Variants in HHIP observed in about 807,000 individuals in gnomAD.
HHIP encodes hedgehog-interacting protein.
HHIP carries 12 observed loss-of-function variants against 74.0 expected under a neutral mutation model. That is an observed-to-expected ratio of 0.16 (90% confidence interval 0.10 to 0.26). The LOEUF (loss-of-function observed/expected upper bound fraction) is 0.26. HHIP is among the 10% of genes least tolerant of loss of function. The pLI is 1.00. For missense variants in HHIP, 788 were observed against 845.0 expected (o/e 0.93, Z 0.84); for synonymous variants, 309 against 311.6 (o/e 0.99, Z 0.09).
intron 4 of HHIP, among the ~76,000 whole-genome samples, chr4:144,666,088 A>G (rs1434798537): frequency 6.6e-6 from 1 of 152,182 alleles, no homozygotes; most frequent in Non-Finnish European, 1.5e-5. Flanking sequence ...GACTAGAAAA[A>G]ATAAGAAAAT....
chr4:144,681,468 C>T (rs999903209), intron 4 of HHIP, among the ~76,000 whole-genome samples: 1 of 145,072 alleles, frequency 6.9e-6, no homozygotes, highest in Non-Finnish European at 1.5e-5. Context: ...CTCCATCACC[C>T]AGGTTGGAGT....
At chr4:144,696,026 C>A (rs892507899) in intron 4 of HHIP, among the ~76,000 whole-genome samples, 1 of 151,822 alleles carries the variant, frequency 6.6e-6, no homozygotes, top group Admixed American at 6.6e-5. Flanking sequence ...AAATTACATT[C>A]CCTACTTGAG....
rs906542849 is a variant in HHIP at position 144,718,915 on chromosome 4, G to T, written c.1719G>T (p.Gln573His). The T allele has an allele frequency of 1.9e-6, 3 of 1,610,792 alleles. No homozygotes were observed. The highest frequency in any genetic ancestry group is 3.3e-5 in the Admixed American group (2 of 59,934). ...YILSSSKSMT[Q>H]THNGKLYKIV... ...TATCAAGCAGTAAAAGTATGACCCA[G>T]ACTCACAATGGAAAACTCTACAAAA... Residue 573 changes from glutamine to histidine, a missense_variant, in exon 11 of 13, where the codon CAG becomes CAT. By Grantham distance (24) the Gln-to-His change is conservative. This residue lies in a region of HHIP where 343 missense variants were observed against 347.9 expected (regional missense o/e 0.99). Coordinates refer to ENST00000296575, the MANE Select transcript of HHIP (RefSeq NM_022475.3).
At position 144,741,104 on chromosome 4, in the gene HHIP, TTTC is replaced by T. The variant is rs1731251645; in HGVS notation, c.*3153_*3155del. The T allele has an allele frequency of 6.6e-6, 1 of 150,422 alleles. No homozygotes were observed. The highest frequency in any genetic ancestry group is 2.1e-4 in the South Asian group (1 of 4,718). The allele number at this position is 150,422 out of a possible 1,614,324, so 9.3% of individuals were successfully genotyped here. A position where few individuals can be genotyped will look rare whatever the true frequency, so the allele number is the denominator to read the frequency against. On this transcript the variant is annotated 3_prime_UTR_variant, in exon 13 of 13. Coordinates refer to ENST00000296575, the MANE Select transcript of HHIP (RefSeq NM_022475.3). ...AAAGTAAGTGCTTCCATCCATAACT[TTTC>T]TTCTTGGATTTTTTTCAATGTAATT... is the stretch of plus-strand genomic sequence containing the variant.
At chr4:144,715,492 C>T in intron 10 of HHIP, 62 bp downstream of exon 10, 2 of 1,520,974 alleles carry the variant, frequency 1.3e-6, no homozygotes, top group Non-Finnish European at 1.8e-6. Context: ...AGGCTTTGTT[C>T]TGCCCTGAAG....
intron 4 of HHIP, among the ~76,000 whole-genome samples, chr4:144,666,176 C>T (rs1263239531): frequency 1.3e-5 from 2 of 151,894 alleles, no homozygotes; most frequent in Non-Finnish European, 1.5e-5. Context: ...CATCACAAAA[C>T]TATCTCTAAA....
At chr4:144,662,431 T>C (rs1377532845) in intron 4 of HHIP, among the ~76,000 whole-genome samples, 1 of 152,204 alleles carries the variant, frequency 6.6e-6, no homozygotes, top group Non-Finnish European at 1.5e-5. Flanking sequence ...CCCTGGGGGC[T>C]AAACTGTCTG....
intron 4 of HHIP, among the ~76,000 whole-genome samples, chr4:144,674,835 C>T (rs1323420316): frequency 6.6e-6 from 1 of 152,134 alleles, no homozygotes; most frequent in African/African-American, 2.4e-5. Context: ...CCAAATGACC[C>T]CTGGTAAGGT....
At chr4:144,648,207 CT>C (rs970931793) in intron 1 of HHIP, 7 of 152,160 alleles carry the variant, frequency 4.6e-5, no homozygotes, top group Non-Finnish European at 1.0e-4. Flanking sequence ...ACTTATCCTC[CT>C]CCCCACTAAA....
chr4:144,708,827 A>G (rs1225658646), intron 7 of HHIP, among the ~76,000 whole-genome samples: 1 of 152,222 alleles, frequency 6.6e-6, no homozygotes, highest in Non-Finnish European at 1.5e-5. Context: ...GCTTCACTTA[A>G]ATATGATGCT....
intron 4 of HHIP, among the ~76,000 whole-genome samples, chr4:144,682,181 T>G (rs1729365672): frequency 6.6e-6 from 1 of 152,236 alleles, no homozygotes. Context: ...GAGACTAATT[T>G]ACTGAGAAGT....
chr4:144,693,032 A>C (rs1223322288), intron 4 of HHIP, among the ~76,000 whole-genome samples: 1 of 152,148 alleles, frequency 6.6e-6, no homozygotes, highest in Non-Finnish European at 1.5e-5. Context: ...TGACTGAGTG[A>C]TGTGCTGGAA....
intron 11 of HHIP, among the ~76,000 whole-genome samples, chr4:144,722,093 C>A (rs1483798530): frequency 6.6e-6 from 1 of 152,134 alleles, no homozygotes; most frequent in Non-Finnish European, 1.5e-5. Context: ...CCAAAAAAGT[C>A]TCTAGTACTG....
intron 4 of HHIP, among the ~76,000 whole-genome samples, chr4:144,698,189 T>C (rs1034842122): frequency 6.6e-6 from 1 of 152,152 alleles, no homozygotes; most frequent in East Asian, 1.9e-4. Context: ...TCCAATGTTA[T>C]CTGAAGCAGG....
intron 4 of HHIP, among the ~76,000 whole-genome samples, chr4:144,662,212 T>A (rs540352985): frequency 1.3e-5 from 2 of 152,336 alleles, no homozygotes; most frequent in Admixed American, 1.3e-4. Flanking sequence ...CTGACCTTTT[T>A]TAAGGCCAAG....
At chr4:144,719,978 C>A (rs528146979) in intron 11 of HHIP, among the ~76,000 whole-genome samples, 5 of 152,090 alleles carry the variant, frequency 3.3e-5, no homozygotes, top group Admixed American at 6.5e-5. Flanking sequence ...TGCAACAAAA[C>A]GCTTTTCTGA....
chr4:144,699,545 C>T (rs1049147255), intron 4 of HHIP, among the ~76,000 whole-genome samples: 2 of 152,106 alleles, frequency 1.3e-5, no homozygotes, highest in African/African-American at 4.8e-5. Flanking sequence ...GCTGAAAGTT[C>T]CAATTCTCTA....
chr4:144,711,729 AATC>A (rs1400018722), intron 7 of HHIP, among the ~76,000 whole-genome samples: 1 of 152,248 alleles, frequency 6.6e-6, no homozygotes, highest in African/African-American at 2.4e-5. Flanking sequence ...AGAAATTATA[AATC>A]ATAAGAGAAA....
chr4:144,712,504 A>T (rs1730333287), intron 8 of HHIP, among the ~76,000 whole-genome samples: 1 of 152,186 alleles, frequency 6.6e-6, no homozygotes, highest in African/African-American at 2.4e-5. Context: ...AAGTGATTCA[A>T]ATAAGAATGT....
Sources: gnomAD v4.1 joint callset for allele counts (sites outside exome capture counted in the v4.1 genomes callset) on GRCh38, gnomAD v4.1.1 for gene constraint, gnomAD v4.1.1 regional missense constraint, MANE v1.5 for transcripts, NCBI Gene and HGNC (gene_info 2026-07-23, HGNC 2026-07-21) for gene names.